The following RHOH variants were observed in gnomAD, a reference collection of about 807,000 sequenced individuals.
RHOH encodes rho-related GTP-binding protein RhoH.
A neutral mutation model predicts 13.8 loss-of-function variants in RHOH; 6 were observed. That is an observed-to-expected ratio of 0.44 (90% CI 0.24 to 0.86). The LOEUF is 0.86. Among genes scored for constraint, RHOH ranks in the 40% least tolerant of loss-of-function variants. The pLI, the probability that RHOH is intolerant of heterozygous loss-of-function variation, is 0.24. For synonymous variants in RHOH, 117 were observed against 103.0 expected (o/e 1.14, Z -0.82); for missense variants, 147 against 244.5 (o/e 0.60, Z 2.66).
At chr4:40,242,346 C>T (rs1729356727) in intron 1 of RHOH, among the ~76,000 whole-genome samples, 1 of 152,330 alleles carries the variant, frequency 6.6e-6, no homozygotes, top group East Asian at 1.9e-4. Context: ...CACAGATGGC[C>T]ACCAAAAATG....
intron 1 of RHOH, among the ~76,000 whole-genome samples, chr4:40,206,052 A>C (rs993516694): frequency 2.0e-5 from 3 of 152,182 alleles, no homozygotes; most frequent in African/African-American, 7.2e-5. Context: ...CAAAACACAA[A>C]TATTCCATGT....
At chr4:40,231,412 A>G (rs1579314834) in intron 1 of RHOH, among the ~76,000 whole-genome samples, 1 of 149,866 alleles carries the variant, frequency 6.7e-6, no homozygotes, top group African/African-American at 2.5e-5. Context: ...GAGGAAGATG[A>G]CCCTGGCTAC....
In RHOH at chr4:40,245,570, AG is replaced by A. The variant is rs1383788339; in HGVS notation, c.*1609del. On this transcript the variant is annotated 3_prime_UTR_variant, in exon 3 of 3. Coordinates refer to ENST00000381799, the MANE Select transcript of RHOH (RefSeq NM_004310.5). Reference sequence around the variant, plus strand: ...AAAAAAAAGAAAAGAAAAAAAAGAAAGAAATTGCAAAGGCTGGCACCTAGAT... The same window carrying A: ...AAAAAAAAGAAAAGAAAAAAAAGAAAAAATTGCAAAGGCTGGCACCTAGAT... 4 of 152,074 alleles carry A rather than the reference AG, an allele frequency of 2.6e-5. No individual in the cohort carries two copies. Among genetic ancestry groups the A allele is most frequent in the East Asian group, 3.9e-4 (2 of 5,168 alleles). The allele number at this position is 152,074 out of a possible 1,614,324, so 9.4% of individuals were successfully genotyped here. A position where few individuals can be genotyped will look rare whatever the true frequency, so the allele number is the denominator to read the frequency against.
At chr4:40,192,623 G>C (rs2109324500), upstream of RHOH, among the ~76,000 whole-genome samples, 1 of 152,328 alleles carries the variant, frequency 6.6e-6, no homozygotes, top group South Asian at 2.1e-4. Flanking sequence ...GTTCACAGGA[G>C]AATATTAAAG....
chr4:40,207,741 C>T (rs6846993), intron 1 of RHOH, among the ~76,000 whole-genome samples: 99,249 of 152,108 alleles, frequency 0.65, 32,535 homozygotes, highest in Admixed American at 0.69. Context: ...CCAAGGCGAA[C>T]GGATTACCTG....
intron 1 of RHOH, among the ~76,000 whole-genome samples, chr4:40,207,109 A>G (rs4974922): frequency 0.16 from 23,604 of 151,836 alleles, 2,106 homozygotes; most frequent in East Asian, 0.39. Context: ...CGGGAGGCTG[A>G]GGCAGGGAAT....
intron 1 of RHOH, among the ~76,000 whole-genome samples, chr4:40,229,415 C>G (rs915478805): frequency 2.0e-5 from 3 of 152,050 alleles, no homozygotes; most frequent in African/African-American, 7.2e-5. Context: ...GAGGGTGGAT[C>G]ACCTGAGGTC....
At chr4:40,237,429 T>C (rs376942167) in intron 1 of RHOH, among the ~76,000 whole-genome samples, 56 of 148,036 alleles carry the variant, frequency 3.8e-4, no homozygotes, top group African/African-American at 1.4e-3. Flanking sequence ...CATACAAGCC[T>C]GGGGGACAGA....
intron 1 of RHOH, among the ~76,000 whole-genome samples, chr4:40,235,582 C>A (rs55802259): frequency 0.27 from 24,856 of 92,652 alleles, 3,006 homozygotes; most frequent in African/African-American, 0.41. Context: ...AAGAGCGAAA[C>A]TTCATCTCAA....
chr4:40,238,647 A>G (rs568287488), intron 1 of RHOH, among the ~76,000 whole-genome samples: 1 of 152,300 alleles, frequency 6.6e-6, no homozygotes, highest in Middle Eastern at 3.4e-3. Flanking sequence ...AAAGGGCAAG[A>G]GCATCAAATT....
At chr4:40,231,366 T>C (rs938911937) in intron 1 of RHOH, among the ~76,000 whole-genome samples, 36 of 149,318 alleles carry the variant, frequency 2.4e-4, no homozygotes, top group African/African-American at 7.9e-4. Context: ...AGAGAACATG[T>C]TTCTAGCTAA....
chr4:40,234,455 C>G (rs1334349850), intron 1 of RHOH, among the ~76,000 whole-genome samples: 1 of 152,108 alleles, frequency 6.6e-6, no homozygotes, highest in African/African-American at 2.4e-5. Flanking sequence ...GCAACGATTC[C>G]TTGATTGTGC....
At chr4:40,230,887 CAG>C (rs1727850340) in intron 1 of RHOH, among the ~76,000 whole-genome samples, 1 of 151,108 alleles carries the variant, frequency 6.6e-6, no homozygotes, top group Admixed American at 6.6e-5. Context: ...GAAAAATTTT[CAG>C]AGTCACTGAT....
At position 40,218,473 on chromosome 4, in the gene RHOH, C is replaced by T. The variant is rs528621032; in HGVS notation, c.-331+21173C>T. 2.1e-4 allele frequency among the ~76,000 whole-genome samples: 32 copies of T among 152,144 alleles called. No individual in the cohort carries two copies. The highest frequency in any genetic ancestry group is 3.4e-4 in the Non-Finnish European group (23 of 68,042). Reference sequence around the variant, plus strand: ...GTGCTAGGGCCCCCTGTGCTTAGCTCGGCTAATGAGCCCAGGCTGAGGGCT... The same window carrying T: ...GTGCTAGGGCCCCCTGTGCTTAGCTTGGCTAATGAGCCCAGGCTGAGGGCT... On this transcript the variant is annotated intron_variant, in intron 1 of 2. Transcript: ENST00000381799. This position sits in a 1 kb window ranked among gnomAD's most constrained non-coding sequence, Gnocchi z 4.1.
At position 40,231,804 on chromosome 4, in the gene RHOH, C is replaced by T. The variant is rs78429486; in HGVS notation, c.-330-10910C>T. Among the ~76,000 whole-genome samples the T allele has an allele frequency of 7.2e-3, 1,096 of 152,376 alleles. 9 individuals carry two copies. The highest frequency in any genetic ancestry group is 0.024 in the Middle Eastern group (7 of 294). On this transcript the variant is annotated intron_variant, in intron 1 of 2. Transcript: ENST00000381799. Reference sequence around the variant, plus strand: ...CCCACCTGCAATCCAGCCTAACCTGCCACAAGAATGAGCTTCCTACAGCCC... The same window carrying T: ...CCCACCTGCAATCCAGCCTAACCTGTCACAAGAATGAGCTTCCTACAGCCC...
upstream of RHOH, among the ~76,000 whole-genome samples, chr4:40,196,117 G>T (rs114999313): frequency 0.011 from 1,656 of 152,214 alleles, 26 homozygotes; most frequent in African/African-American, 0.038. Context: ...ATTGATGTCC[G>T]GTCCCAACCC....
chr4:40,196,774 T>A (rs574100487), upstream of RHOH: 1 of 150,816 alleles, frequency 6.6e-6, no homozygotes, highest in African/African-American at 2.4e-5. Flanking sequence ...CAGTTTTACG[T>A]AGGGCTTTGC....
chr4:40,209,037 T>A (rs1724965888), intron 1 of RHOH, among the ~76,000 whole-genome samples: 1 of 152,136 alleles, frequency 6.6e-6, no homozygotes, highest in South Asian at 2.1e-4. Flanking sequence ...GCATATATTG[T>A]TTGTATATAA....
At chr4:40,192,564 C>T (rs940941243), upstream of RHOH, among the ~76,000 whole-genome samples, 1 of 151,892 alleles carries the variant, frequency 6.6e-6, no homozygotes, top group African/African-American at 2.4e-5. Context: ...GTTCAGGGTA[C>T]ACAAGTAGTT....
Sources: gnomAD v4.1 joint callset for allele counts (sites outside exome capture counted in the v4.1 genomes callset) on GRCh38, gnomAD v4.1.1 for gene constraint, Gnocchi (gnomAD v3.1) non-coding constraint, MANE v1.5 for transcripts, NCBI Gene and HGNC (gene_info 2026-07-23, HGNC 2026-07-21) for gene names.